The following EPAS1 variants were observed in gnomAD, a reference collection of about 807,000 sequenced individuals.
EPAS1 encodes endothelial PAS domain protein 1.
A neutral mutation model predicts 87.9 loss-of-function variants in EPAS1; 23 were observed. The ratio of observed to expected loss-of-function variants is 0.26; its 90% CI spans 0.19 to 0.37. EPAS1 has a LOEUF of 0.37. Ranked by LOEUF, EPAS1 falls within the 10% of genes least tolerant of loss-of-function variation. The pLI, the probability that EPAS1 is intolerant of heterozygous loss-of-function variation, is 1.00. For missense variants in EPAS1, 1,138 were observed against 1,120.7 expected, an observed-to-expected ratio of 1.02 and a Z score of -0.22; for synonymous variants, 508 against 444.3, an observed-to-expected ratio of 1.14 and a Z score of -1.80.
intron 1 of EPAS1, among the ~76,000 whole-genome samples, chr2:46,307,258 G>A (rs997526511): frequency 6.6e-6 from 1 of 152,204 alleles, no homozygotes; most frequent in Non-Finnish European, 1.5e-5. Flanking sequence ...GTCCTCTGCA[G>A]AGCCAAAAGG....
chr2:46,377,822 T>G, intron 9 of EPAS1, 72 bp from the exon 10 acceptor site: 1 of 1,551,180 alleles, frequency 6.4e-7, no homozygotes, highest in Non-Finnish European at 8.7e-7. Context: ...CTCTGCGGTT[T>G]TTGGGCCTCC....
chr2:46,341,285 A>C (rs1313842020), intron 1 of EPAS1, among the ~76,000 whole-genome samples: 1 of 152,246 alleles, frequency 6.6e-6, no homozygotes, highest in Non-Finnish European at 1.5e-5. Flanking sequence ...TCCACAGCTA[A>C]GTCTGGTGAC....
chr2:46,383,611 G>A (rs1684948959), intron 15 of EPAS1, among the ~76,000 whole-genome samples: 1 of 152,218 alleles, frequency 6.6e-6, no homozygotes, highest in African/African-American at 2.4e-5. Context: ...TTTATGTGCA[G>A]TAAGAGGTAG....
rs2104831245 is a variant in EPAS1, at chr2:46,297,836, A to T, written c.-76A>T. The stretch of plus-strand genomic sequence containing the variant: ...CACCCGCCCGGGCCGCGGGGAGCGG[A>T]CGAGGGCCACAGCCCCCCACCCGCC... On this transcript the variant is annotated 5_prime_UTR_variant, in exon 1 of 16. Transcript: ENST00000263734. 6.4e-7 allele frequency: 1 copy of T among 1,565,842 alleles called. No individual in the cohort carries two copies. Among genetic ancestry groups the T allele is most frequent in the Non-Finnish European group, 8.7e-7 (1 of 1,154,612 alleles).
rs746457952 is a variant in EPAS1, at chr2:46,376,719, C to T, written c.1215C>T (p.Pro405=). 1 of 1,613,030 alleles carries T rather than the reference C, an allele frequency of 6.2e-7. No homozygotes were observed. Among genetic ancestry groups the T allele is most frequent in the South Asian group, 1.1e-5 (1 of 91,030 alleles). The change falls in exon 9 of 16, where the codon CCC becomes CCT. Residue 405 remains proline, a synonymous_variant. Transcript: ENST00000263734. ...CCGAGGAGCTGGCCCAGCTGGCTCCCACCCCAGGAGACGCCATCATCTCTC... is the reference window on the plus strand; with the variant it reads ...CCGAGGAGCTGGCCCAGCTGGCTCCTACCCCAGGAGACGCCATCATCTCTC... ...EEPEELAQLA[P]TPGDAIISLD... is the part of the protein sequence containing the mutation.
chr2:46,380,737 C>A lies in EPAS1; in HGVS notation c.2045+20C>A. Reference sequence around the variant, plus strand: ...GACAAGGTAAGTGGCAGATACTCAGCTGTACCAGCAGGGCCGAACCGAGAG... The same window carrying A: ...GACAAGGTAAGTGGCAGATACTCAGATGTACCAGCAGGGCCGAACCGAGAG... On this transcript the variant is annotated intron_variant, in intron 12 of 15. Transcript: ENST00000263734. This position sits in a 1 kb window ranked among gnomAD's most constrained non-coding sequence, Gnocchi z 4.4. The A allele has an allele frequency of 6.2e-7, 1 of 1,606,296 alleles. No individual in the cohort carries two copies. The highest frequency in any genetic ancestry group is 8.5e-7 in the Non-Finnish European group (1 of 1,179,976).
At position 46,349,839 on chromosome 2, in the gene EPAS1, G is replaced by A. The variant is rs193021334; in HGVS notation, c.217+2776G>A. ...ATCGTATTTTGCTTTTCCAACACAT[G>A]TAGCGTTATGAAGAGGAGTACGGGA... is the stretch of plus-strand genomic sequence containing the variant. On this transcript the variant is annotated intron_variant, in intron 2 of 15. Transcript: ENST00000263734. Among the ~76,000 whole-genome samples, 11 of 152,322 alleles carry A rather than the reference G, an allele frequency of 7.2e-5. No individual in the cohort carries two copies. In the East Asian group the frequency reaches 2.1e-3, roughly 29 times the overall value.
chr2:46,310,130 G>C (rs1683182782), intron 1 of EPAS1, among the ~76,000 whole-genome samples: 1 of 152,208 alleles, frequency 6.6e-6, no homozygotes. Flanking sequence ...CCTAGTGCAT[G>C]GAGTGGGAGC....
intron 1 of EPAS1, among the ~76,000 whole-genome samples, chr2:46,308,719 C>T (rs1295013856): frequency 6.6e-6 from 1 of 152,194 alleles, no homozygotes; most frequent in East Asian, 1.9e-4. Flanking sequence ...ATCAGTGCTT[C>T]ACTTCAAGAA....
At chr2:46,378,143 G>A (rs1684800317) in intron 10 of EPAS1, 56 bp downstream of exon 10, 5 of 1,545,310 alleles carry the variant, frequency 3.2e-6, no homozygotes. Flanking sequence ...TATGACTGCT[G>A]CCAGATGGCT....
intron 1 of EPAS1, among the ~76,000 whole-genome samples, chr2:46,328,793 A>G (rs927521009): frequency 1.3e-5 from 2 of 152,148 alleles, no homozygotes; most frequent in African/African-American, 4.8e-5. Flanking sequence ...TCCCATTGTA[A>G]CTCTTCAGAG....
chr2:46,327,956 A>G (rs970776666), intron 1 of EPAS1, among the ~76,000 whole-genome samples: 9 of 152,004 alleles, frequency 5.9e-5, no homozygotes, highest in Non-Finnish European at 8.8e-5. Context: ...TCTGCTCCCA[A>G]ATGTTAACCT....
At chr2:46,337,802 T>C (rs1683825356) in intron 1 of EPAS1, among the ~76,000 whole-genome samples, 1 of 152,110 alleles carries the variant, frequency 6.6e-6, no homozygotes, top group African/African-American at 2.4e-5. Context: ...AACAGTCTGG[T>C]GAGAAGGAAA....
intron 1 of EPAS1, among the ~76,000 whole-genome samples, chr2:46,299,580 G>C (rs1372142371): frequency 6.6e-6 from 1 of 152,186 alleles, no homozygotes; most frequent in Non-Finnish European, 1.5e-5. Context: ...AGACGCTTTC[G>C]GGTCCGGAGC....
At chr2:46,344,701 A>C (rs1373879725) in intron 1 of EPAS1, among the ~76,000 whole-genome samples, 1 of 152,180 alleles carries the variant, frequency 6.6e-6, no homozygotes, top group Non-Finnish European at 1.5e-5. Context: ...GGTGTCCTGA[A>C]GGTTGGAAGT....
rs1473294200 is a variant in EPAS1 at position 46,380,317 on chromosome 2, G to A, written c.1645G>A (p.Glu549Lys). 2 of 1,613,976 alleles carry A rather than the reference G, an allele frequency of 1.2e-6. No individual in the cohort carries two copies. The highest frequency in any genetic ancestry group is 2.2e-5 in the East Asian group (1 of 44,884). ...DFQLSPICPE[E>K]RLLAENPQST... Reference sequence around the variant, plus strand: ...CCAGCTAAGCCCCATCTGCCCCGAGGAGCGGCTCTTGGCGGAGAACCCACA... The same window carrying A: ...CCAGCTAAGCCCCATCTGCCCCGAGAAGCGGCTCTTGGCGGAGAACCCACA... Residue 549 changes from glutamate (E) to lysine (K), a missense_variant, in exon 12 of 16, where the codon GAG (glutamate) becomes AAG (lysine). This residue lies in a region of EPAS1 where 502 missense variants were observed against 427.1 expected (regional missense o/e 1.18). Transcript: ENST00000263734. This position sits in a 1 kb window ranked among gnomAD's most constrained non-coding sequence, Gnocchi z 4.4.
At chr2:46,367,458 C>T (rs182284359) in intron 6 of EPAS1, among the ~76,000 whole-genome samples, 2 of 152,326 alleles carry the variant, frequency 1.3e-5, no homozygotes, top group African/African-American at 2.4e-5. Flanking sequence ...CCAGGCTAAG[C>T]TTGAAAGTCA....
rs191180027 is a variant in EPAS1, at chr2:46,320,292, G to A, written c.26+22355G>A. Among the ~76,000 whole-genome samples the A allele has an allele frequency of 3.9e-5, 6 of 152,286 alleles. No individual in the cohort carries two copies. In the East Asian group the frequency reaches 1.2e-3, roughly 29 times the overall value. On this transcript the variant is annotated intron_variant, in intron 1 of 15. Transcript: ENST00000263734. ...AGTTGGTCATTACCCGATTCTGGTA[G>A]GGTACTTGCCATGTGTACACATTTA...
At chr2:46,312,648 C>T (rs1276128573) in intron 1 of EPAS1, among the ~76,000 whole-genome samples, 1 of 152,036 alleles carries the variant, frequency 6.6e-6, no homozygotes, top group Non-Finnish European at 1.5e-5. Context: ...AGCTAGGGGA[C>T]TCTTGCTCTC....
Sources: gnomAD v4.1 joint callset for allele counts (sites outside exome capture counted in the v4.1 genomes callset) on GRCh38, gnomAD v4.1.1 for gene constraint, gnomAD v4.1.1 regional missense constraint, Gnocchi (gnomAD v3.1) non-coding constraint, MANE v1.5 for transcripts, NCBI Gene and HGNC (gene_info 2026-07-23, HGNC 2026-07-21) for gene names.